LYPD6B: variants seen among roughly 807,000 people sequenced by gnomAD.
LYPD6B encodes ly6/PLAUR domain-containing protein 6B.
In LYPD6B, 17 loss-of-function variants were observed where a neutral mutation model predicts 22.8. The observed-to-expected ratio is 0.75, with a 90% CI of 0.51 to 1.12. LYPD6B has a LOEUF of 1.12. LYPD6B is among the 50% of genes most tolerant of loss of function. The probability of loss-of-function intolerance (pLI) is 0.00; values close to 1 mark genes in which losing one functional copy is unlikely to be tolerated. For synonymous variants in LYPD6B, 106 were observed against 91.6 expected (o/e 1.16, Z -0.90); for missense variants, 221 against 258.3 (o/e 0.86, Z 0.99).
chr2:149,111,571 G>A (rs1686762041), intron 1 of LYPD6B, among the ~76,000 whole-genome samples: 1 of 152,166 alleles, frequency 6.6e-6, no homozygotes, highest in Admixed American at 6.5e-5. Flanking sequence ...AAGATTGGGA[G>A]TGGAGAATTA....
intron 2 of LYPD6B, among the ~76,000 whole-genome samples, chr2:149,131,778 A>G (rs11685746): frequency 0.43 from 64,787 of 151,970 alleles, 14,049 homozygotes; most frequent in East Asian, 0.54. Flanking sequence ...AAGAGTCACA[A>G]TGAAAATTTC....
At chr2:149,194,176 C>T (rs1193223837) in intron 3 of LYPD6B, among the ~76,000 whole-genome samples, 3 of 152,108 alleles carry the variant, frequency 2.0e-5, no homozygotes, top group East Asian at 3.9e-4. Flanking sequence ...TTTCTTCTTA[C>T]CCTGATTGGT....
intron 1 of LYPD6B, among the ~76,000 whole-genome samples, chr2:149,051,241 CT>C (rs1456591900): frequency 1.3e-5 from 2 of 152,018 alleles, no homozygotes; most frequent in Non-Finnish European, 2.9e-5. Context: ...ACTTGGCTCA[CT>C]GTAAGCTCCG....
Position 149,208,329 on chromosome 2 carries a change from A to C in LYPD6B, c.245A>C (p.Asn82Thr), listed in dbSNP as rs192895762. ...RPPLDPTPFP[N>T]SFKCFTCENA... ...TTCTTTAAAGCTACACCATTTCCAA[A>C]TAGCTTCAAGTGCTTTACTTGTGAA... is the stretch of plus-strand genomic sequence containing the variant. Residue 82 changes from asparagine (N) to threonine (T), a missense_variant, in exon 5 of 7, where the codon AAT (asparagine) becomes ACT (threonine). Coordinates refer to ENST00000409642, the MANE Select transcript of LYPD6B (RefSeq NM_177964.5). 5.9e-5 allele frequency: 95 copies of C among 1,613,582 alleles called. 1 individual carries two copies. In the African/African-American group the frequency reaches 1.1e-3, roughly 18 times the overall value.
At chr2:149,132,407 A>C (rs1184471029) in intron 2 of LYPD6B, among the ~76,000 whole-genome samples, 1 of 151,868 alleles carries the variant, frequency 6.6e-6, no homozygotes, top group Non-Finnish European at 1.5e-5. Context: ...GTTAATGACA[A>C]GTGGAACATG....
At chr2:149,149,172 T>C (rs1689212137) in intron 2 of LYPD6B, among the ~76,000 whole-genome samples, 1 of 152,168 alleles carries the variant, frequency 6.6e-6, no homozygotes, top group Admixed American at 6.5e-5. Flanking sequence ...AATTGCAGTT[T>C]TCACCATTAA....
intron 3 of LYPD6B, among the ~76,000 whole-genome samples, chr2:149,177,728 G>A (rs1021957252): frequency 6.6e-5 from 10 of 152,058 alleles, no homozygotes; most frequent in African/African-American, 2.4e-4. Flanking sequence ...GATGTGCAGA[G>A]ACTGTTTATA....
At chr2:149,169,945 A>C (rs2105923983) in intron 3 of LYPD6B, among the ~76,000 whole-genome samples, 1 of 152,272 alleles carries the variant, frequency 6.6e-6, no homozygotes, top group Non-Finnish European at 1.5e-5. Flanking sequence ...ACTGAATAAA[A>C]ATCTCCAGGC....
intron 1 of LYPD6B, among the ~76,000 whole-genome samples, chr2:149,043,147 G>C (rs900057688): frequency 2.0e-5 from 3 of 152,068 alleles, no homozygotes; most frequent in South Asian, 4.1e-4. Context: ...TCATGCTCAG[G>C]GTTCATTATT....
chr2:149,160,913 G>A (rs1034471452), intron 3 of LYPD6B, 78 bp downstream of exon 3: 1 of 1,046,868 alleles, frequency 9.6e-7, no homozygotes, highest in Admixed American at 2.0e-5. Flanking sequence ...ATGGACTCCT[G>A]AAAGTCCCGG....
At chr2:149,102,718 C>G (rs1276382999) in intron 1 of LYPD6B, among the ~76,000 whole-genome samples, 1 of 152,188 alleles carries the variant, frequency 6.6e-6, no homozygotes, top group Non-Finnish European at 1.5e-5. Flanking sequence ...CAACCTCCAC[C>G]TCCTGGGTTG....
intron 1 of LYPD6B, among the ~76,000 whole-genome samples, chr2:149,093,939 G>T (rs1013803050): frequency 1.3e-4 from 20 of 151,948 alleles, no homozygotes; most frequent in African/African-American, 4.6e-4. Flanking sequence ...CATCAATTTT[G>T]TCTTTATAAT....
At chr2:149,159,333 T>C (rs1272348656) in intron 2 of LYPD6B, among the ~76,000 whole-genome samples, 1 of 152,186 alleles carries the variant, frequency 6.6e-6, no homozygotes, top group Non-Finnish European at 1.5e-5. Context: ...AATGTGACCA[T>C]AGTGTGTCTA....
chr2:149,057,768 A>G (rs1683873891), intron 1 of LYPD6B, among the ~76,000 whole-genome samples: 1 of 152,190 alleles, frequency 6.6e-6, no homozygotes, highest in African/African-American at 2.4e-5. Context: ...AAGGGGGTGG[A>G]AAGGGGATCC....
intron 1 of LYPD6B, among the ~76,000 whole-genome samples, chr2:149,068,003 G>T (rs13033411): frequency 3.9e-5 from 6 of 152,062 alleles, no homozygotes; most frequent in Non-Finnish European, 8.8e-5. Context: ...TTTTTCTAAG[G>T]TGAGTGGGGA....
chr2:149,148,548 G>T (rs1317714045), intron 2 of LYPD6B, among the ~76,000 whole-genome samples: 1 of 152,190 alleles, frequency 6.6e-6, no homozygotes, highest in Non-Finnish European at 1.5e-5. Context: ...TCCTTAGAGG[G>T]ATGTCCAGGC....
At chr2:149,125,178 C>A (rs1222362762) in intron 1 of LYPD6B, among the ~76,000 whole-genome samples, 1 of 152,172 alleles carries the variant, frequency 6.6e-6, no homozygotes, top group Non-Finnish European at 1.5e-5. Context: ...TCAAACACAT[C>A]TTACCTCCCA....
In LYPD6B at chr2:149,081,618, T is replaced by C. The variant is rs1025162630; in HGVS notation, c.-67+42817T>C. ...TGTGTATAGATAGAGGCATACAGTT[T>C]AATGAGTTCTCACACAGAACGTATC... is the stretch of plus-strand genomic sequence containing the variant. On this transcript the variant is annotated intron_variant, in intron 1 of 6. Coordinates refer to ENST00000409642, the MANE Select transcript of LYPD6B (RefSeq NM_177964.5). Among the ~76,000 whole-genome samples the C allele has an allele frequency of 5.3e-5, 8 of 152,130 alleles. No individual in the cohort carries two copies. The East Asian group carries it at 1.4e-3, about 26-fold the overall frequency.
intron 2 of LYPD6B, among the ~76,000 whole-genome samples, chr2:149,150,776 T>G (rs901898613): frequency 2.0e-5 from 3 of 152,154 alleles, no homozygotes; most frequent in Non-Finnish European, 2.9e-5. Flanking sequence ...CTTGTATTTT[T>G]CTTCCCTTTG....
Sources: allele counts gnomAD v4.1 joint callset (sites outside exome capture counted in the v4.1 genomes callset), GRCh38; gene constraint gnomAD v4.1.1; transcripts MANE v1.5; gene names NCBI Gene and HGNC (gene_info 2026-07-23, HGNC 2026-07-21).